MACROD2: variants seen among roughly 807,000 people sequenced by gnomAD.
The protein encoded by MACROD2 is mono-ADP ribosylhydrolase 2, also known as ADP-ribose glycohydrolase MACROD2.
In MACROD2, 36 loss-of-function variants were observed where a neutral mutation model predicts 70.4. The observed-to-expected ratio is 0.51, with a 90% confidence interval of 0.39 to 0.68. MACROD2 has a LOEUF of 0.68. MACROD2 is among the 30% of genes least tolerant of loss of function. The pLI is 0.00. For missense variants in MACROD2, 496 were observed against 538.4 expected (o/e 0.92, Z 0.78); for synonymous variants, 172 against 178.8 (o/e 0.96, Z 0.30).
chr20:14,940,218 C>A (rs1436785588), intron 5 of MACROD2, among the ~76,000 whole-genome samples: 1 of 150,332 alleles, frequency 6.7e-6, no homozygotes, highest in Non-Finnish European at 1.5e-5. Context: ...CCTGTAGTCC[C>A]AACTAGTCCA....
intron 8 of MACROD2, among the ~76,000 whole-genome samples, chr20:15,757,966 T>C (rs1172899293): frequency 6.6e-6 from 1 of 152,236 alleles, no homozygotes; most frequent in Non-Finnish European, 1.5e-5. Flanking sequence ...TCTGACTTTG[T>C]ATCTACTCCT....
In MACROD2 at chr20:15,981,809, T is replaced by G. The variant is rs149902106; in HGVS notation, c.986-4918T>G. Among the ~76,000 whole-genome samples the G allele has an allele frequency of 4.6e-3, 699 of 152,272 alleles. 1 individual carries two copies. Among genetic ancestry groups the G allele is most frequent in the African/African-American group, 0.016 (671 of 41,546 alleles). On this transcript the variant is annotated intron_variant, in intron 13 of 17. Transcript: ENST00000684519. ...AATTTTATTTTGGGTCTGAGGGGTT[T>G]GTGATGACTAATTCTAAAGGGTTAC...
intron 3 of MACROD2, among the ~76,000 whole-genome samples, chr20:14,187,637 G>T (rs2081355641): frequency 6.6e-6 from 1 of 152,100 alleles, no homozygotes; most frequent in East Asian, 1.9e-4. Flanking sequence ...TGTTAAATAT[G>T]ACATAAAGCA....
rs193174898 is a variant in MACROD2 at position 14,163,187 on chromosome 20, C to T, written c.271+77459C>T. ...TACTTATCTGGGAAATACTTTAGTT[C>T]TCTTTCATTTATGAAGGATAAATTT... is the stretch of plus-strand genomic sequence containing the variant. On this transcript the variant is annotated intron_variant, in intron 3 of 17. Coordinates refer to ENST00000684519, the MANE Select transcript of MACROD2 (RefSeq NM_001351661.2). Among the ~76,000 whole-genome samples the T allele has an allele frequency of 1.6e-3, 251 of 152,180 alleles. 1 individual carries two copies. Among genetic ancestry groups the T allele is most frequent in the Non-Finnish European group, 1.7e-3 (113 of 67,976 alleles).
chr20:15,297,517 G>T (rs1342884631), intron 6 of MACROD2, among the ~76,000 whole-genome samples: 1 of 152,198 alleles, frequency 6.6e-6, no homozygotes, highest in East Asian at 1.9e-4. Context: ...TTGACAGAAA[G>T]AGGGCAGGGG....
chr20:14,676,498 A>C (rs1394366508), intron 4 of MACROD2, among the ~76,000 whole-genome samples: 2 of 152,218 alleles, frequency 1.3e-5, no homozygotes, highest in Non-Finnish European at 2.9e-5. Context: ...GGCAGAAATA[A>C]ATAAATTCTT....
At chr20:14,170,881 C>T (rs1347609133) in intron 3 of MACROD2, among the ~76,000 whole-genome samples, 1 of 152,088 alleles carries the variant, frequency 6.6e-6, no homozygotes, top group African/African-American at 2.4e-5. Context: ...AGGGAGGATT[C>T]CCTCTTTATC....
intron 5 of MACROD2, among the ~76,000 whole-genome samples, chr20:14,729,985 A>T (rs542459605): frequency 6.6e-6 from 1 of 152,142 alleles, no homozygotes; most frequent in Non-Finnish European, 1.5e-5. Context: ...TTTTAGGAGA[A>T]TCAAATAGAA....
intron 5 of MACROD2, among the ~76,000 whole-genome samples, chr20:14,935,587 C>T (rs921889328): frequency 1.3e-5 from 2 of 152,268 alleles, no homozygotes; most frequent in South Asian, 2.1e-4. Flanking sequence ...TGTCCAGAAA[C>T]GCAGAGATCT....
intron 6 of MACROD2, among the ~76,000 whole-genome samples, chr20:15,392,995 G>A (rs1158015301): frequency 3.3e-5 from 5 of 151,834 alleles, no homozygotes; most frequent in Admixed American, 1.3e-4. Flanking sequence ...TAAGGGTGGC[G>A]GCAATGTGGC....
chr20:15,974,881 T>C (rs6074983), intron 13 of MACROD2, among the ~76,000 whole-genome samples: 12,088 of 152,220 alleles, frequency 0.079, 637 homozygotes, highest in East Asian at 0.23. Context: ...TGTGTGCATA[T>C]GTCAGTATAT....
chr20:15,435,224 A>G (rs2046412798), intron 7 of MACROD2, among the ~76,000 whole-genome samples: 1 of 152,168 alleles, frequency 6.6e-6, no homozygotes, highest in Admixed American at 6.6e-5. Context: ...AATCACTATA[A>G]TACAAAAAAG....
At chr20:15,195,847 T>A (rs914142712) in intron 5 of MACROD2, among the ~76,000 whole-genome samples, 1 of 152,092 alleles carries the variant, frequency 6.6e-6, no homozygotes, top group Non-Finnish European at 1.5e-5. Context: ...CCATCAATGA[T>A]AGACTGGATA....
intron 8 of MACROD2, among the ~76,000 whole-genome samples, chr20:15,803,918 C>T (rs1381675478): frequency 6.6e-6 from 1 of 152,190 alleles, no homozygotes; most frequent in Non-Finnish European, 1.5e-5. Flanking sequence ...TAAAATGCTT[C>T]CCAATGTTTC....
intron 8 of MACROD2, among the ~76,000 whole-genome samples, chr20:15,528,216 C>T (rs2146541432): frequency 6.6e-6 from 1 of 152,238 alleles, no homozygotes; most frequent in East Asian, 1.9e-4. Context: ...CTCACTGTAA[C>T]CTCCACCTCC....
At chr20:16,047,808 T>C (rs1177432321) in intron 17 of MACROD2, among the ~76,000 whole-genome samples, 2 of 152,218 alleles carry the variant, frequency 1.3e-5, no homozygotes, top group African/African-American at 4.8e-5. Flanking sequence ...AGACAGGCCT[T>C]ATGGCCACAG....
intron 15 of MACROD2, among the ~76,000 whole-genome samples, chr20:16,023,473 C>CAAAAAAA (rs60347463): frequency 1.1e-4 from 8 of 71,434 alleles, no homozygotes; most frequent in African/African-American, 1.6e-4. Flanking sequence ...GACTCCATCT[C>CAAAAAAA]AAAAAAAAAA....
chr20:15,892,002 A>T (rs1363696916), intron 10 of MACROD2, among the ~76,000 whole-genome samples: 1 of 152,164 alleles, frequency 6.6e-6, no homozygotes, highest in Non-Finnish European at 1.5e-5. Context: ...CAACTCTAAG[A>T]TCTGTAACCT....
intron 5 of MACROD2, among the ~76,000 whole-genome samples, chr20:15,209,115 GTATTTAT>G (rs2076738521): frequency 1.7e-3 from 247 of 147,168 alleles, no homozygotes; most frequent in South Asian, 0.015. Flanking sequence ...GGTGGTGGTG[GTATTTAT>G]TTATTTATTT....
Sources: allele counts gnomAD v4.1 joint callset (sites outside exome capture counted in the v4.1 genomes callset), GRCh38; gene constraint gnomAD v4.1.1; transcripts MANE v1.5; gene names NCBI Gene and HGNC (gene_info 2026-07-23, HGNC 2026-07-21).